Variants in FCHSD2 observed in about 807,000 individuals in gnomAD.
The protein encoded by FCHSD2 is F-BAR and double SH3 domains protein 2.
In FCHSD2, 38 loss-of-function variants were observed where a neutral mutation model predicts 108.1. That is an observed-to-expected ratio of 0.35 (90% CI 0.27 to 0.46). The LOEUF (loss-of-function observed/expected upper bound fraction) is 0.46. Among genes scored for constraint, FCHSD2 ranks in the 20% least tolerant of loss-of-function variants. The probability of loss-of-function intolerance (pLI) is 1.00; values close to 1 mark genes in which losing one functional copy is unlikely to be tolerated. For synonymous variants in FCHSD2, 279 were observed against 314.7 expected (o/e 0.89, Z 1.20); for missense variants, 751 against 897.8 (o/e 0.84, Z 2.09).
At chr11:72,918,184 T>C (rs80213802) in intron 9 of FCHSD2, among the ~76,000 whole-genome samples, 1,830 of 152,332 alleles carry the variant, frequency 0.012, 17 homozygotes, top group African/African-American at 0.025. Context: ...TTTCTTAACC[T>C]TCTTTTTGGA....
rs1860999850 is a variant in FCHSD2 at position 72,842,684 on chromosome 11, C to T, written c.1863G>A (p.Ser621=). 1.2e-6 allele frequency: 2 copies of T among 1,613,970 alleles called. No homozygotes were observed. The highest frequency in any genetic ancestry group is 1.7e-6 in the Non-Finnish European group (2 of 1,179,892). The change falls in exon 17 of 20, where the codon TCG becomes TCA. Residue 621 remains serine, a synonymous_variant. Coordinates refer to ENST00000409418, the MANE Select transcript of FCHSD2 (RefSeq NM_014824.3). ...EFNGRIGVFP[S]VLVEELSASE... is the part of the protein sequence containing the mutation. ...AGGCTGAAAGTTCTTCCACTAGCAC[C>T]GATGGGAAAACTCCAATACGCCCAT...
At chr11:73,045,638 A>G (rs1252106458) in intron 3 of FCHSD2, among the ~76,000 whole-genome samples, 1 of 150,498 alleles carries the variant, frequency 6.6e-6, no homozygotes, top group Non-Finnish European at 1.5e-5. Flanking sequence ...TGAAATTGGA[A>G]ATCATCATTC....
At chr11:73,073,496 C>T (rs890410915) in intron 3 of FCHSD2, among the ~76,000 whole-genome samples, 2 of 152,148 alleles carry the variant, frequency 1.3e-5, no homozygotes, top group Admixed American at 6.5e-5. Flanking sequence ...TACAAGTTTA[C>T]TTTGCATGTG....
At chr11:72,980,975 T>C (rs1235562908) in intron 8 of FCHSD2, among the ~76,000 whole-genome samples, 1 of 151,974 alleles carries the variant, frequency 6.6e-6, no homozygotes, top group Admixed American at 6.6e-5. Flanking sequence ...TTCAGAAAAA[T>C]AGATATTTCC....
intron 8 of FCHSD2, among the ~76,000 whole-genome samples, chr11:72,952,174 C>T (rs1481546806): frequency 2.0e-5 from 3 of 152,090 alleles, no homozygotes; most frequent in Non-Finnish European, 2.9e-5. Flanking sequence ...CTTGGTCACT[C>T]AGATGAAGCA....
intron 2 of FCHSD2, among the ~76,000 whole-genome samples, chr11:73,119,791 T>C (rs2135556672): frequency 6.6e-6 from 1 of 152,318 alleles, no homozygotes; most frequent in Admixed American, 6.5e-5. Flanking sequence ...CCATCAATTC[T>C]ACTTCTAGAA....
chr11:73,051,746 AT>A (rs1314609694), intron 3 of FCHSD2, among the ~76,000 whole-genome samples: 1 of 152,186 alleles, frequency 6.6e-6, no homozygotes, highest in Non-Finnish European at 1.5e-5. Flanking sequence ...AACAAAAAAA[AT>A]TTGAAATAAA....
intron 3 of FCHSD2, among the ~76,000 whole-genome samples, chr11:73,058,132 G>C (rs1006130856): frequency 5.9e-5 from 9 of 152,286 alleles, no homozygotes; most frequent in Admixed American, 3.3e-4. Context: ...GCCTGCCTCA[G>C]CCTCCCAAAG....
intron 8 of FCHSD2, among the ~76,000 whole-genome samples, chr11:72,967,385 C>G (rs1856930155): frequency 6.6e-6 from 1 of 151,482 alleles, no homozygotes; most frequent in South Asian, 2.1e-4. Context: ...AATGGGTAAA[C>G]AAAATATGGT....
chr11:72,856,755 G>A (rs891526905), intron 13 of FCHSD2, among the ~76,000 whole-genome samples: 2 of 152,196 alleles, frequency 1.3e-5, no homozygotes, highest in African/African-American at 4.8e-5. Context: ...CCACTCACTA[G>A]TTAGGAGCAT....
chr11:72,892,942 C>T (rs1181891400), intron 10 of FCHSD2, among the ~76,000 whole-genome samples: 4 of 150,882 alleles, frequency 2.7e-5, no homozygotes, highest in Admixed American at 2.0e-4. Context: ...TAGCAGTGGT[C>T]GATTCTAACA....
chr11:73,109,290 T>C (rs1248515063), intron 2 of FCHSD2, among the ~76,000 whole-genome samples: 18 of 152,206 alleles, frequency 1.2e-4, no homozygotes, highest in Non-Finnish European at 1.9e-4. Context: ...AGGGATTGCA[T>C]TGAATCTGTA....
intron 3 of FCHSD2, among the ~76,000 whole-genome samples, chr11:73,018,151 A>G (rs535380527): frequency 6.6e-6 from 1 of 152,316 alleles, no homozygotes; most frequent in South Asian, 2.1e-4. Flanking sequence ...GTGGTCTGTC[A>G]GAGCCCCTCC....
chr11:73,007,745 A>G (rs532712637), intron 4 of FCHSD2, among the ~76,000 whole-genome samples: 3 of 152,364 alleles, frequency 2.0e-5, no homozygotes, highest in African/African-American at 7.2e-5. Context: ...AGAACTCAAT[A>G]TGCACACACA....
chr11:72,950,148 GAA>G (rs1856594959), intron 8 of FCHSD2, among the ~76,000 whole-genome samples: 1 of 152,054 alleles, frequency 6.6e-6, no homozygotes, highest in African/African-American at 2.4e-5. Flanking sequence ...TCATCTTTGA[GAA>G]AAAAGTCTAT....
intron 3 of FCHSD2, among the ~76,000 whole-genome samples, chr11:73,046,793 G>C (rs117174420): frequency 6.6e-6 from 1 of 152,108 alleles, no homozygotes; most frequent in African/African-American, 2.4e-5. Context: ...ATGTTGCCCA[G>C]GCTGGTCTTG....
At chr11:73,071,658 G>A (rs999694550) in intron 3 of FCHSD2, among the ~76,000 whole-genome samples, 2 of 152,030 alleles carry the variant, frequency 1.3e-5, no homozygotes, top group East Asian at 3.9e-4. Context: ...CCGAGATCAT[G>A]TCACTGCACT....
chr11:72,883,520 G>A (rs1855132069), intron 12 of FCHSD2, among the ~76,000 whole-genome samples: 1 of 152,112 alleles, frequency 6.6e-6, no homozygotes, highest in Non-Finnish European at 1.5e-5. Context: ...TATATGAAGG[G>A]CTAAAAACTT....
chr11:72,957,289 T>C (rs1856732667), intron 8 of FCHSD2, among the ~76,000 whole-genome samples: 1 of 148,366 alleles, frequency 6.7e-6, no homozygotes, highest in African/African-American at 2.5e-5. Flanking sequence ...CGGTGTTTGG[T>C]TTTTTGTTCT....
Sources: gnomAD v4.1 joint callset for allele counts (sites outside exome capture counted in the v4.1 genomes callset) on GRCh38, gnomAD v4.1.1 for gene constraint, MANE v1.5 for transcripts, NCBI Gene and HGNC (gene_info 2026-07-23, HGNC 2026-07-21) for gene names.